The following HDAC9 variants were observed in gnomAD, a reference collection of about 807,000 sequenced individuals.
HDAC9 encodes histone deacetylase 9.
Under a neutral mutation model 139.4 loss-of-function variants are expected in HDAC9, and 41 were observed. That is an observed-to-expected ratio of 0.29 (90% CI 0.23 to 0.38). HDAC9 has a LOEUF of 0.38. Among genes scored for constraint, HDAC9 ranks in the 10% least tolerant of loss-of-function variants. The pLI, the probability that HDAC9 is intolerant of heterozygous loss-of-function variation, is 1.00. For missense variants in HDAC9, 1,147 were observed against 1,297.0 expected (o/e 0.88, Z 1.78); for synonymous variants, 517 against 476.2 (o/e 1.09, Z -1.12).
intron 12 of HDAC9, among the ~76,000 whole-genome samples, chr7:18,697,966 T>G (rs1341800743): frequency 6.6e-6 from 1 of 152,138 alleles, no homozygotes; most frequent in Non-Finnish European, 1.5e-5. Context: ...GAACTCTAAC[T>G]ACTCATGAAT....
At chr7:18,273,792 A>T in intron 2 of HDAC9, among the ~76,000 whole-genome samples, 1 of 152,210 alleles carries the variant, frequency 6.6e-6, no homozygotes, top group East Asian at 1.9e-4. Context: ...GACGGGACAA[A>T]TAAGAATAGT....
chr7:18,291,714 ACTC>A (rs1337764506), intron 1 of HDAC9, among the ~76,000 whole-genome samples: 4 of 151,596 alleles, frequency 2.6e-5, no homozygotes, highest in Non-Finnish European at 5.9e-5. Flanking sequence ...CCCTGGGAAA[ACTC>A]CTTGCTCTTG....
At position 18,499,146 on chromosome 7, in the gene HDAC9, A is replaced by G. The variant is rs184147635; in HGVS notation, c.22+2822A>G. Among the ~76,000 whole-genome samples, 630 of 152,126 alleles carry G rather than the reference A, an allele frequency of 4.1e-3. 2 individuals are homozygous for G. Among genetic ancestry groups the G allele is most frequent in the Middle Eastern group, 6.8e-3 (2 of 294 alleles). Reference sequence around the variant, plus strand: ...TATGTAATAAAGGCAAAGAAGTTGCACAGTATGTGATTGAACAGTGAACCC... The same window carrying G: ...TATGTAATAAAGGCAAAGAAGTTGCGCAGTATGTGATTGAACAGTGAACCC... On this transcript the variant is annotated intron_variant, in intron 2 of 25. Transcript: ENST00000686413.
At chr7:18,932,555 A>G (rs1241635005) in intron 22 of HDAC9, among the ~76,000 whole-genome samples, 2 of 152,132 alleles carry the variant, frequency 1.3e-5, no homozygotes, top group Non-Finnish European at 2.9e-5. Flanking sequence ...AACATTAATA[A>G]TCTACTGCAT....
chr7:18,837,040 A>G (rs1381165177), intron 21 of HDAC9, among the ~76,000 whole-genome samples: 1 of 151,984 alleles, frequency 6.6e-6, no homozygotes, highest in Non-Finnish European at 1.5e-5. Flanking sequence ...CCTGTGTGTC[A>G]TGCATACTTC....
chr7:18,311,093 G>GA (rs35111689), intron 1 of HDAC9, among the ~76,000 whole-genome samples: 101,318 of 151,060 alleles, frequency 0.67, 34,674 homozygotes, highest in South Asian at 0.8. Flanking sequence ...CTGGAGAGAG[G>GA]TGATGATGAT....
chr7:18,594,032 A>G lies in HDAC9; in HGVS notation c.664+3A>G, dbSNP rs377204593. The G allele has an allele frequency of 4.0e-5, 65 of 1,612,196 alleles. No homozygotes were observed. In the East Asian group the frequency reaches 1.2e-3, roughly 29 times the overall value. ...TGATTTCCCCCTTCGAAAAACTGGTAAGTTGGTTTAACAGGAACTCTGTTT... is the reference window on the plus strand; with the variant it reads ...TGATTTCCCCCTTCGAAAAACTGGTGAGTTGGTTTAACAGGAACTCTGTTT... On this transcript the variant is annotated splice_donor_region_variant and intron_variant, in intron 6 of 25. Coordinates refer to ENST00000686413, the MANE Select transcript of HDAC9 (RefSeq NM_178425.4).
At chr7:18,639,321 A>G (rs982302165) in intron 8 of HDAC9, among the ~76,000 whole-genome samples, 10 of 152,000 alleles carry the variant, frequency 6.6e-5, no homozygotes, top group African/African-American at 1.7e-4. Flanking sequence ...CCCACCCCCA[A>G]TTCAGGGAAA....
intron 14 of HDAC9, among the ~76,000 whole-genome samples, chr7:18,756,782 A>G (rs1165296489): frequency 1.3e-5 from 2 of 152,132 alleles, no homozygotes; most frequent in Admixed American, 1.3e-4. Context: ...CCAACTTGCA[A>G]TTCTCTTTTT....
chr7:18,335,456 C>A (rs1337547206), intron 1 of HDAC9, among the ~76,000 whole-genome samples: 1 of 151,444 alleles, frequency 6.6e-6, no homozygotes, highest in East Asian at 1.9e-4. Flanking sequence ...CCACAATGGT[C>A]TTGATGTACA....
At chr7:18,296,770 A>G (rs1234358859) in intron 1 of HDAC9, among the ~76,000 whole-genome samples, 1 of 152,208 alleles carries the variant, frequency 6.6e-6, no homozygotes, top group Admixed American at 6.5e-5. Flanking sequence ...CAGTGGCACC[A>G]TTAGAAAGAA....
intron 1 of HDAC9, 23 bp downstream of exon 1, chr7:18,496,046 C>T (rs1796848589): frequency 4.9e-6 from 7 of 1,439,312 alleles, no homozygotes; most frequent in Admixed American, 5.4e-5. Flanking sequence ...GGAAAAGTGT[C>T]CAGGTCTTTT....
At chr7:18,949,374 CT>C (rs1355153465) in intron 23 of HDAC9, 1 of 261,368 alleles carries the variant, frequency 3.8e-6, no homozygotes, top group Non-Finnish European at 7.5e-6. Context: ...CATCCTCCTC[CT>C]CTTCATCTTC....
intron 6 of HDAC9, among the ~76,000 whole-genome samples, chr7:18,618,726 GTATATATATA>G (rs71014394): frequency 0.03 from 3,638 of 120,002 alleles, 142 homozygotes; most frequent in East Asian, 0.099. Flanking sequence ...ACAGAATTTT[GTATATATATA>G]TATATATATA....
chr7:18,703,739 C>T (rs1264490067), intron 12 of HDAC9, among the ~76,000 whole-genome samples: 1 of 151,262 alleles, frequency 6.6e-6, no homozygotes, highest in African/African-American at 2.4e-5. Context: ...TTCCCCCTCT[C>T]CTTCCAGAAA....
At chr7:18,447,011 A>G (rs528280298) in intron 1 of HDAC9, among the ~76,000 whole-genome samples, 12 of 152,220 alleles carry the variant, frequency 7.9e-5, no homozygotes, top group African/African-American at 1.2e-4. Context: ...CATTAAAAAC[A>G]AAAAGTTTTG....
chr7:18,797,906 G>A (rs904872612), intron 17 of HDAC9, among the ~76,000 whole-genome samples: 5 of 151,528 alleles, frequency 3.3e-5, no homozygotes, highest in Admixed American at 1.3e-4. Context: ...GAACCTTATC[G>A]AATATATTCT....
In HDAC9 at chr7:18,622,155, G is replaced by C. The variant is rs375245455; in HGVS notation, c.665-7195G>C. Among the ~76,000 whole-genome samples the C allele has an allele frequency of 1.1e-4, 17 of 152,298 alleles. No homozygotes were observed. In the East Asian group the frequency reaches 3.1e-3, roughly 28 times the overall value. ...AACCCAGGGGAGGGAGAAACTGTGT[G>C]GAGAAGTTGACAGATATCCAGTACT... On this transcript the variant is annotated intron_variant, in intron 6 of 25. Coordinates refer to ENST00000686413, the MANE Select transcript of HDAC9 (RefSeq NM_178425.4).
At chr7:18,166,408 C>T (rs1788016092) in intron 2 of HDAC9, among the ~76,000 whole-genome samples, 1 of 152,144 alleles carries the variant, frequency 6.6e-6, no homozygotes, top group Non-Finnish European at 1.5e-5. Context: ...TTCTCGTATT[C>T]TATTCATTTT....
Sources: gnomAD v4.1 joint callset for allele counts (sites outside exome capture counted in the v4.1 genomes callset) on GRCh38, gnomAD v4.1.1 for gene constraint, MANE v1.5 for transcripts, NCBI Gene and HGNC (gene_info 2026-07-23, HGNC 2026-07-21) for gene names.